Variants in MCM3AP observed in about 807,000 individuals in gnomAD.
MCM3AP encodes the protein minichromosome maintenance complex component 3 associated protein, also known as germinal-center associated nuclear protein.
A neutral mutation model predicts 184.1 loss-of-function variants in MCM3AP; 126 were observed. The ratio of observed to expected loss-of-function variants is 0.68; its 90% confidence interval spans 0.59 to 0.79. The LOEUF (loss-of-function observed/expected upper bound fraction) is 0.79. MCM3AP is among the 30% of genes least tolerant of loss of function. The pLI, the probability that MCM3AP is intolerant of heterozygous loss-of-function variation, is 0.00. For missense variants in MCM3AP, 2,496 were observed against 2,479.2 expected, an observed-to-expected ratio of 1.01 and a Z score of -0.14; for synonymous variants, 1,002 against 979.3, an observed-to-expected ratio of 1.02 and a Z score of -0.43.
chr21:46,258,048 C>T (rs184777784), intron 16 of MCM3AP, among the ~76,000 whole-genome samples: 282 of 152,236 alleles, frequency 1.9e-3, no homozygotes, highest in African/African-American at 6.5e-3. Flanking sequence ...CATGCTGCTA[C>T]AGCCAAGCCT....
chr21:46,266,954 G>T, intron 10 of MCM3AP, 28 bp downstream of exon 10: 1 of 1,612,066 alleles, frequency 6.2e-7, no homozygotes. Flanking sequence ...GGAGACAGGG[G>T]CCCCACAGTT....
rs17176758 is a variant in MCM3AP at position 46,251,361 on chromosome 21, A to AAAT, written c.4290+165_4290+167dup. On this transcript the variant is annotated intron_variant, in intron 20 of 27. Coordinates refer to ENST00000291688, the MANE Select transcript of MCM3AP (RefSeq NM_003906.5). ...ACTACTCAATTTGACTGGCTTAAAA[A>AAAT]AATTTTTTAAACGACATGTACGGAC... 0.82 allele frequency: 404,922 copies of AAAT among 492,260 alleles called. 170,980 individuals carry two copies. The highest frequency in any genetic ancestry group is 0.9 in the African/African-American group (47,060 of 52,010). The allele number at this position is 492,260 out of a possible 1,614,324, so 30.5% of individuals were successfully genotyped here.
chr21:46,280,225 T>G (rs1458695321), intron 3 of MCM3AP, 88 bp from the exon 4 acceptor site: 2 of 1,383,056 alleles, frequency 1.4e-6, no homozygotes, highest in Non-Finnish European at 2.0e-6. Context: ...GAAAGTAATA[T>G]TATTTTCATT....
intron 26 of MCM3AP, among the ~76,000 whole-genome samples, chr21:46,239,954 A>G (rs984158771): frequency 6.6e-6 from 1 of 152,166 alleles, no homozygotes; most frequent in Non-Finnish European, 1.5e-5. Context: ...CCCATGGGAA[A>G]GAAGGCTGAA....
chr21:46,253,276 T>C (rs2080900327), intron 19 of MCM3AP: 1 of 152,280 alleles, frequency 6.6e-6, no homozygotes, highest in African/African-American at 2.4e-5. Context: ...AATGGAACTA[T>C]AGTAAACAGA....
chr21:46,257,009 TCA>T (rs1390681159), intron 16 of MCM3AP, 23 bp from the exon 17 acceptor site: 3 of 1,599,434 alleles, frequency 1.9e-6, no homozygotes, highest in Admixed American at 3.4e-5. Context: ...AAATGTATCA[TCA>T]CAGAGTGTTT....
intron 8 of MCM3AP, 86 bp downstream of exon 8, chr21:46,272,475 G>A: frequency 7.5e-7 from 1 of 1,334,156 alleles, no homozygotes; most frequent in Non-Finnish European, 1.0e-6. Context: ...TGCACTATTG[G>A]CTACTGCCAC....
chr21:46,266,892 C>G, intron 10 of MCM3AP, 90 bp downstream of exon 10: 1 of 1,412,592 alleles, frequency 7.1e-7, no homozygotes, highest in Non-Finnish European at 9.7e-7. Context: ...TTCTTCAAGT[C>G]AGGCAAGCAG....
rs2081207550 is a variant in MCM3AP at position 46,273,304 on chromosome 21, A to G, written c.2196+84T>C. 5.4e-6 allele frequency: 7 copies of G among 1,301,768 alleles called. No homozygotes were observed. The South Asian group carries it at 7.9e-5, about 15-fold the overall frequency. The allele number at this position is 1,301,768 out of a possible 1,614,324, so 80.6% of individuals were successfully genotyped here. A position where few individuals can be genotyped will look rare whatever the true frequency, so the allele number is the denominator to read the frequency against. Reference sequence around the variant, plus strand: ...AAAGTACATTTTTGTTACAGATAAAATATATAACAGAGTAATAAAAATATC... The same window carrying G: ...AAAGTACATTTTTGTTACAGATAAAGTATATAACAGAGTAATAAAAATATC... On this transcript the variant is annotated intron_variant, in intron 7 of 27. Coordinates refer to ENST00000291688, the MANE Select transcript of MCM3AP (RefSeq NM_003906.5).
Position 46,284,269 on chromosome 21 carries a change from G to T in MCM3AP, c.1018C>A (p.Arg340=), listed in dbSNP as rs1156914060. 1 of 1,614,116 alleles carries T rather than the reference G, an allele frequency of 6.2e-7. No individual in the cohort carries two copies. The highest frequency in any genetic ancestry group is 1.1e-5 in the South Asian group (1 of 91,076). ...CTTTTGAAAACATCCTGTATCGTCC[G>T]ACCAAATAAAGTACCTCCCCGGGGT... ...NRPRGGTLFG[R]TIQDVFKSNK... Residue 340 remains arginine, a synonymous_variant, in exon 1 of 28, where the codon CGG becomes AGG. Coordinates refer to ENST00000291688, the MANE Select transcript of MCM3AP (RefSeq NM_003906.5).
At chr21:46,239,988 T>C (rs1354265120) in intron 26 of MCM3AP, among the ~76,000 whole-genome samples, 2 of 152,126 alleles carry the variant, frequency 1.3e-5, no homozygotes, top group Non-Finnish European at 2.9e-5. Context: ...CAAGCGTTTT[T>C]GAGGAGTTTT....
chr21:46,268,431 T>C (rs1490889510), intron 9 of MCM3AP, among the ~76,000 whole-genome samples: 3 of 152,202 alleles, frequency 2.0e-5, no homozygotes, highest in African/African-American at 7.2e-5. Context: ...ATAGCTGACA[T>C]GCCAGGGGAG....
intron 21 of MCM3AP, 40 bp downstream of exon 21, chr21:46,246,588 T>C (rs762253140): frequency 2.5e-5 from 40 of 1,600,914 alleles, no homozygotes; most frequent in Non-Finnish European, 3.1e-5. Flanking sequence ...ACCCATTTAT[T>C]AAACAATGCT....
chr21:46,280,967 G>A (rs555411637), intron 2 of MCM3AP, among the ~76,000 whole-genome samples: 1 of 152,152 alleles, frequency 6.6e-6, no homozygotes, highest in African/African-American at 2.4e-5. Context: ...ACCACATCCG[G>A]CTAATTTTTT....
In MCM3AP at chr21:46,246,044, G is replaced by A. The variant is rs537149730; in HGVS notation, c.4647+263C>T. Among the ~76,000 whole-genome samples, 14 of 152,262 alleles carry A rather than the reference G, an allele frequency of 9.2e-5. No individual in the cohort carries two copies. The East Asian group carries it at 2.7e-3, about 29-fold the overall frequency. On this transcript the variant is annotated intron_variant, in intron 22 of 27. Coordinates refer to ENST00000291688, the MANE Select transcript of MCM3AP (RefSeq NM_003906.5). ...TGCTTATGTTTTTAGAAAGTTATCT[G>A]TATAAAACATACAACTGCTGCCAGG...
chr21:46,241,908 G>T (rs997422423), intron 25 of MCM3AP: 6 of 152,228 alleles, frequency 3.9e-5, no homozygotes, highest in African/African-American at 1.4e-4. Context: ...GAGTATCATG[G>T]AGTTGGAGAA....
rs2081397689 is a variant in MCM3AP at position 46,285,265 on chromosome 21, T to C, written c.22A>G (p.Ser8Gly). 3 of 1,613,482 alleles carry C rather than the reference T, an allele frequency of 1.9e-6. No homozygotes were observed. Among genetic ancestry groups the C allele is most frequent in the Non-Finnish European group, 2.5e-6 (3 of 1,179,548 alleles). The stretch of plus-strand genomic sequence containing the variant: ...GAAAAAGCACTAGGCTGCTGCCCAC[T>C]GAAAGGATTAGTTGGGTTCATCTTC... Reference protein sequence around the residue: MNPTNPFSGQQPSAFSAS... With the variant: MNPTNPFGGQQPSAFSAS... The change falls in exon 1 of 28, where the codon AGT becomes GGT. Residue 8 changes from serine to glycine, a missense_variant. Coordinates refer to ENST00000291688, the MANE Select transcript of MCM3AP (RefSeq NM_003906.5).
chr21:46,251,707 A>G (rs779448487), intron 19 of MCM3AP, 25 bp from the exon 20 acceptor site: 53 of 1,419,500 alleles, frequency 3.7e-5, no homozygotes, highest in Non-Finnish European at 4.8e-5. Flanking sequence ...AAAACAAAAA[A>G]CAAAAAAAAC....
intron 24 of MCM3AP, 141 bp from the exon 25 acceptor site, chr21:46,243,072 G>A: frequency 1.3e-6 from 1 of 756,648 alleles, no homozygotes; most frequent in Non-Finnish European, 2.1e-6. Flanking sequence ...TAAATTCACT[G>A]ATTTAAGTGC....
Sources: allele counts gnomAD v4.1 joint callset (sites outside exome capture counted in the v4.1 genomes callset), GRCh38; gene constraint gnomAD v4.1.1; transcripts MANE v1.5; gene names NCBI Gene and HGNC (gene_info 2026-07-23, HGNC 2026-07-21).